The following STPG2 variants were observed in gnomAD, a reference collection of about 807,000 sequenced individuals.
STPG2 encodes the protein sperm tail PG-rich repeat containing 2, also known as sperm-tail PG-rich repeat-containing protein 2.
In STPG2, 56 loss-of-function variants were observed where a neutral mutation model predicts 54.2. The observed-to-expected ratio is 1.03, with a 90% CI of 0.83 to 1.29. The LOEUF is 1.29. Among genes scored for constraint, STPG2 ranks in the 50% most tolerant of loss-of-function variants. The pLI is 0.00. For missense variants in STPG2, 596 were observed against 544.9 expected, an observed-to-expected ratio of 1.09 and a Z score of -0.93; for synonymous variants, 200 against 181.8, an observed-to-expected ratio of 1.10 and a Z score of -0.81.
intron 9 of STPG2, among the ~76,000 whole-genome samples, chr4:97,814,458 A>G (rs1021621071): frequency 6.6e-6 from 1 of 152,078 alleles, no homozygotes; most frequent in African/African-American, 2.4e-5. Flanking sequence ...CCATCCAAGT[A>G]GCTGAGATTA....
In STPG2 at chr4:97,812,707, G is replaced by A. The variant is rs919521691; in HGVS notation, c.1204+28066C>T. ...CCCCAGTAGCTTAGTTCTAGGCCCC[G>A]TTTTCCTCCTAATCAATATTCTCCC... On this transcript the variant is annotated intron_variant, in intron 9 of 10. Coordinates refer to ENST00000295268, the MANE Select transcript of STPG2 (RefSeq NM_174952.3). 6.6e-5 allele frequency among the ~76,000 whole-genome samples: 10 copies of A among 152,118 alleles called. No homozygotes were observed. The East Asian group carries it at 7.7e-4, about 12-fold the overall frequency.
intron 4 of STPG2, among the ~76,000 whole-genome samples, chr4:97,457,099 A>T (rs1041920429): frequency 2.0e-5 from 3 of 152,190 alleles, no homozygotes; most frequent in African/African-American, 4.8e-5. Flanking sequence ...AACATTGATA[A>T]TACCAAATAG....
chr4:97,853,991 G>GTTGT, intron 8 of STPG2, among the ~76,000 whole-genome samples: 1 of 152,034 alleles, frequency 6.6e-6, no homozygotes, highest in African/African-American at 2.4e-5. Flanking sequence ...TTTTATTGTT[G>GTTGT]TTGTTTGTTT....
intron 8 of STPG2, among the ~76,000 whole-genome samples, chr4:97,876,536 A>G (rs1730177326): frequency 6.6e-6 from 1 of 152,096 alleles, no homozygotes; most frequent in Admixed American, 6.5e-5. Context: ...AGAGATATTT[A>G]TCATTAAATT....
chr4:97,703,469 T>C (rs1161041707), intron 10 of STPG2, among the ~76,000 whole-genome samples: 5 of 141,832 alleles, frequency 3.5e-5, no homozygotes, highest in Non-Finnish European at 6.0e-5. Context: ...ACTATATATA[T>C]AGTAGTATAT....
intron 8 of STPG2, among the ~76,000 whole-genome samples, chr4:97,848,844 G>A (rs903353838): frequency 6.7e-6 from 1 of 150,128 alleles, no homozygotes; most frequent in Admixed American, 6.7e-5. Flanking sequence ...GCTCTGTTCT[G>A]TTCCATTGAT....
At chr4:97,694,270 G>A (rs1723484978) in intron 10 of STPG2, among the ~76,000 whole-genome samples, 3 of 151,912 alleles carry the variant, frequency 2.0e-5, no homozygotes, top group Admixed American at 2.0e-4. Context: ...ATAGACCATT[G>A]GTGAGATTAA....
intron 8 of STPG2, among the ~76,000 whole-genome samples, chr4:97,882,559 G>A (rs1219580192): frequency 3.9e-5 from 6 of 152,156 alleles, no homozygotes; most frequent in Non-Finnish European, 2.9e-5. Flanking sequence ...CTATGGCTAA[G>A]CTAGGACAAT....
In STPG2 at chr4:98,040,185, T is replaced by C. The variant is rs1196088224; in HGVS notation, c.613-58867A>G. On this transcript the variant is annotated intron_variant, in intron 5 of 10. Transcript: ENST00000295268. The stretch of plus-strand genomic sequence containing the variant: ...TTATTGGGGCTTTTAGGGTTTGTCG[T>C]TCTTGTTTGAGTTACTTGTAGATTA... Among the ~76,000 whole-genome samples, 4 of 151,594 alleles carry C rather than the reference T, an allele frequency of 2.6e-5. No individual in the cohort carries two copies. The East Asian group carries it at 7.7e-4, about 29-fold the overall frequency.
At chr4:97,832,315 A>AACAG in intron 9 of STPG2, among the ~76,000 whole-genome samples, 1 of 151,148 alleles carries the variant, frequency 6.6e-6, no homozygotes, top group Admixed American at 6.6e-5. Context: ...CTTTGACAAC[A>AACAG]CCCTTCATGC....
At chr4:98,130,951 CG>C (rs1560693228) in intron 2 of STPG2, among the ~76,000 whole-genome samples, 1 of 100,540 alleles carries the variant, frequency 9.9e-6, no homozygotes, top group Non-Finnish European at 2.1e-5. Context: ...AAAAAAAAAA[CG>C]ACTTTCCAAA....
intron 8 of STPG2, among the ~76,000 whole-genome samples, chr4:97,866,372 C>T (rs963853058): frequency 1.2e-4 from 18 of 151,968 alleles, no homozygotes; most frequent in Non-Finnish European, 5.9e-5. Flanking sequence ...CATAAATACA[C>T]ACACATACTA....
chr4:97,946,127 T>C (rs938546066), intron 7 of STPG2, among the ~76,000 whole-genome samples: 3 of 152,126 alleles, frequency 2.0e-5, no homozygotes, highest in Non-Finnish European at 4.4e-5. Context: ...CGGTTTTAAT[T>C]TGCATTTCCC....
intron 5 of STPG2, among the ~76,000 whole-genome samples, chr4:98,087,751 G>A (rs1297778229): frequency 6.6e-6 from 1 of 151,688 alleles, no homozygotes; most frequent in Non-Finnish European, 1.5e-5. Context: ...TAGTAGAGAC[G>A]GGGTTTCACC....
At chr4:97,894,168 T>C (rs931961689) in intron 8 of STPG2, among the ~76,000 whole-genome samples, 4 of 151,988 alleles carry the variant, frequency 2.6e-5, no homozygotes, top group African/African-American at 9.7e-5. Context: ...TAGGAATGAA[T>C]CCAGTTCTAA....
intron 8 of STPG2, among the ~76,000 whole-genome samples, chr4:97,919,193 T>C (rs1732000698): frequency 1.3e-5 from 2 of 152,110 alleles, no homozygotes; most frequent in East Asian, 1.9e-4. Flanking sequence ...ATTCAGCTAA[T>C]GTAGCACATT....
intron 9 of STPG2, among the ~76,000 whole-genome samples, chr4:97,826,627 A>C (rs1393164619): frequency 6.6e-6 from 1 of 152,204 alleles, no homozygotes; most frequent in Non-Finnish European, 1.5e-5. Flanking sequence ...TTAAGAATTG[A>C]ATTTGACATC....
At position 97,973,021 on chromosome 4, in the gene STPG2, T is replaced by C. The variant is rs370377320; in HGVS notation, c.773-581A>G. ...AATCGGTACCAGTAAAGTTGGGCAC[T>C]GCTGTAGATACCTGAAAATGTTGAA... is the stretch of plus-strand genomic sequence containing the variant. On this transcript the variant is annotated intron_variant, in intron 6 of 10. Coordinates refer to ENST00000295268, the MANE Select transcript of STPG2 (RefSeq NM_174952.3). Among the ~76,000 whole-genome samples, 16 of 152,310 alleles carry C rather than the reference T, an allele frequency of 1.1e-4. No individual in the cohort carries two copies. In the East Asian group the frequency reaches 1.7e-3, roughly 17 times the overall value.
chr4:97,881,201 A>G (rs1466123000), intron 8 of STPG2, among the ~76,000 whole-genome samples: 1 of 152,246 alleles, frequency 6.6e-6, no homozygotes, highest in East Asian at 1.9e-4. Context: ...AAATTAAAAG[A>G]CAAAACAAAA....
Sources: allele counts gnomAD v4.1 joint callset (sites outside exome capture counted in the v4.1 genomes callset), GRCh38; gene constraint gnomAD v4.1.1; transcripts MANE v1.5; gene names NCBI Gene and HGNC (gene_info 2026-07-23, HGNC 2026-07-21).